BRPF3: variants seen among roughly 807,000 people sequenced by gnomAD.
The protein encoded by BRPF3 is bromodomain and PHD finger-containing protein 3.
In BRPF3, 18 loss-of-function variants were observed where a neutral mutation model predicts 102.0. That is an observed-to-expected ratio of 0.18 (90% confidence interval 0.12 to 0.26). The LOEUF is 0.26. BRPF3 is among the 10% of genes least tolerant of loss of function. BRPF3 has a pLI of 1.00. For missense variants in BRPF3, 1,147 were observed against 1,567.8 expected (o/e 0.73, Z 4.53); for synonymous variants, 570 against 614.2 (o/e 0.93, Z 1.06).
chr6:36,214,384 C>T lies in BRPF3; in HGVS notation c.2987C>T (p.Thr996Ile). The T allele has an allele frequency of 6.4e-7, 1 of 1,564,452 alleles. No individual in the cohort carries two copies. The highest frequency in any genetic ancestry group is 8.6e-7 in the Non-Finnish European group (1 of 1,157,308). The change falls in exon 8 of 13, where the codon ACA becomes ATA. Residue 996 changes from threonine to isoleucine, a missense_variant and splice_region_variant. Thr to Ile is a moderately conservative substitution (Grantham distance 89, BLOSUM62 -1). Around this residue, in one of 11 missense-constraint regions of BRPF3, gnomAD observed 379 missense variants for 426.3 expected, o/e 0.89. Coordinates refer to ENST00000357641, the MANE Select transcript of BRPF3 (RefSeq NM_015695.3). ...AGGTCCCCCCAGCAGGAGGAAGAGA[C>T]AGGTGACCCTGCCTGTGACTTCTCT... ...GERSPQQEEE[T>I]GMTNGFGKHT...
In BRPF3 at chr6:36,232,111, G is replaced by A. The variant is rs1228080889; in HGVS notation, c.*1502G>A. 2 of 152,610 alleles carry A rather than the reference G, an allele frequency of 1.3e-5. No homozygotes were observed. Among genetic ancestry groups the A allele is most frequent in the African/African-American group, 2.4e-5 (1 of 41,430 alleles). 9.5% of individuals were successfully genotyped at this position (152,610 alleles called of 1,614,324 possible). Reference sequence around the variant, plus strand: ...AACTTCTTATACATTTGGGACATGAGCCAGAGTTTAAAAGGGAACCAACAA... The same window carrying A: ...AACTTCTTATACATTTGGGACATGAACCAGAGTTTAAAAGGGAACCAACAA... On this transcript the variant is annotated 3_prime_UTR_variant, in exon 13 of 13. Coordinates refer to ENST00000357641, the MANE Select transcript of BRPF3 (RefSeq NM_015695.3).
Position 36,201,829 on chromosome 6 carries a change from G to T in BRPF3, c.1448+59G>T. On this transcript the variant is annotated intron_variant, in intron 2 of 12. Coordinates refer to ENST00000357641, the MANE Select transcript of BRPF3 (RefSeq NM_015695.3). This position sits in a 1 kb window ranked among gnomAD's most constrained non-coding sequence, Gnocchi z 5.1. Reference sequence around the variant, plus strand: ...ATGGTTTCTTCTTGGGTTGGTGTTGGCCCTGTGCCAGGCCTTCGCTAAACA... The same window carrying T: ...ATGGTTTCTTCTTGGGTTGGTGTTGTCCCTGTGCCAGGCCTTCGCTAAACA... 6.5e-7 allele frequency: 1 copy of T among 1,528,280 alleles called. No individual in the cohort carries two copies. Among genetic ancestry groups the T allele is most frequent in the Non-Finnish European group, 8.8e-7 (1 of 1,140,496 alleles). The allele number at this position is 1,528,280 out of a possible 1,614,324, so 94.7% of individuals were successfully genotyped here.
At chr6:36,208,721 G>C (rs1767991749) in intron 4 of BRPF3, among the ~76,000 whole-genome samples, 1 of 152,210 alleles carries the variant, frequency 6.6e-6, no homozygotes, top group African/African-American at 2.4e-5. Flanking sequence ...CTCTGGTTCA[G>C]AGAAATGAGA....
At chr6:36,214,999 C>A (rs1768275596) in intron 8 of BRPF3, among the ~76,000 whole-genome samples, 1 of 151,966 alleles carries the variant, frequency 6.6e-6, no homozygotes, top group Non-Finnish European at 1.5e-5. Flanking sequence ...TGGGAACATG[C>A]CTGCATGTCT....
In BRPF3 at chr6:36,210,600, G is replaced by T; in HGVS notation, c.2179+72G>T. 7.0e-6 allele frequency: 10 copies of T among 1,437,464 alleles called. No homozygotes were observed. Among genetic ancestry groups the T allele is most frequent in the Non-Finnish European group, 8.4e-6 (9 of 1,071,826 alleles). 89.0% of individuals were successfully genotyped at this position (1,437,464 alleles called of 1,614,324 possible). On this transcript the variant is annotated intron_variant, in intron 6 of 12. Coordinates refer to ENST00000357641, the MANE Select transcript of BRPF3 (RefSeq NM_015695.3). This position sits in a 1 kb window ranked among gnomAD's most constrained non-coding sequence, Gnocchi z 4.7. ...CAGGAACAGAGTCTACAGAGTGAGG[G>T]ATCAGGGTGGTCCTTGGGGCTATAG...
At chr6:36,222,354 C>T (rs1440916954) in intron 10 of BRPF3, 89 bp downstream of exon 10, 4 of 1,239,982 alleles carry the variant, frequency 3.2e-6, no homozygotes, top group Non-Finnish European at 3.4e-6. Context: ...GGCTCCGTAC[C>T]AGGCAGCCAG....
intron 2 of BRPF3, among the ~76,000 whole-genome samples, chr6:36,204,138 T>C (rs1003413746): frequency 2.0e-5 from 3 of 152,202 alleles, no homozygotes; most frequent in African/African-American, 7.2e-5. Context: ...ATTTTTAGGC[T>C]GTTGAGGTTT....
At chr6:36,217,838 G>A in intron 8 of BRPF3, 79 bp from the exon 9 acceptor site, 2 of 1,243,340 alleles carry the variant, frequency 1.6e-6, no homozygotes. Flanking sequence ...GAGCCCTCCT[G>A]AGGTGGCTGC....
chr6:36,225,501 C>T, intron 11 of BRPF3, 137 bp downstream of exon 11: 2 of 699,930 alleles, frequency 2.9e-6, no homozygotes, highest in East Asian at 5.6e-5. Flanking sequence ...TTGCCCCAGC[C>T]TGAGTGGGTC....
intron 3 of BRPF3, 89 bp from the exon 4 acceptor site, chr6:36,207,222 CTT>C: frequency 6.5e-7 from 1 of 1,526,960 alleles, no homozygotes; most frequent in Non-Finnish European, 8.9e-7. Flanking sequence ...GGGGACAAGA[CTT>C]TTACCTGCTG....
intron 9 of BRPF3, among the ~76,000 whole-genome samples, chr6:36,219,798 C>A (rs1471653242): frequency 1.3e-5 from 2 of 152,188 alleles, no homozygotes; most frequent in Non-Finnish European, 2.9e-5. Context: ...ATTTATTAGA[C>A]CAGAATCATA....
chr6:36,212,692 G>T (rs997804611), intron 7 of BRPF3, among the ~76,000 whole-genome samples: 1 of 151,762 alleles, frequency 6.6e-6, no homozygotes, highest in Non-Finnish European at 1.5e-5. Flanking sequence ...GGTGGCTCAC[G>T]CCTGTAATCC....
chr6:36,207,040 C>T (rs1767929545), intron 3 of BRPF3, among the ~76,000 whole-genome samples: 1 of 152,122 alleles, frequency 6.6e-6, no homozygotes, highest in Non-Finnish European at 1.5e-5. Context: ...ACCCAGAGGG[C>T]CATAGCTGCT....
In BRPF3 at chr6:36,201,484, C is replaced by T. The variant is rs1767696131; in HGVS notation, c.1162C>T (p.Pro388Ser). 6.2e-7 allele frequency: 1 copy of T among 1,614,058 alleles called. No homozygotes were observed. Among genetic ancestry groups the T allele is most frequent in the African/African-American group, 1.3e-5 (1 of 74,924 alleles). ...GACTGCCTACTGTGAGGCCCACTCG[C>T]CACCAGGTGCGGCCACTGCTAGGAG... ...RKTAYCEAHS[P>S]PGAATARRKG... The change falls in exon 2 of 13, where the codon CCA (proline) becomes TCA (serine). Residue 388 changes from proline to serine, a missense_variant. Pro to Ser is a moderately conservative substitution (Grantham distance 74, BLOSUM62 -1). Around this residue, in one of 11 missense-constraint regions of BRPF3, gnomAD observed 157 missense variants for 163.6 expected, o/e 0.96. Coordinates refer to ENST00000357641, the MANE Select transcript of BRPF3 (RefSeq NM_015695.3). This position sits in a 1 kb window ranked among gnomAD's most constrained non-coding sequence, Gnocchi z 5.1.
Position 36,211,338 on chromosome 6 carries a change from C to T in BRPF3, c.2260C>T (p.Leu754=), listed in dbSNP as rs772413670. ...GAAGGAGCTGCTGGAGAAACTGGAC[C>T]TGGTGAGCGCCATGCGGTCCAGTGG... ...QLKELLEKLD[L]VSAMRSSGAR... is the part of the protein sequence containing the mutation. Residue 754 remains leucine (L), a synonymous_variant, in exon 7 of 13, where the codon CTG becomes TTG. Transcript: ENST00000357641. 11 of 1,614,148 alleles carry T rather than the reference C, an allele frequency of 6.8e-6. No individual in the cohort carries two copies. The East Asian group carries it at 2.4e-4, about 36-fold the overall frequency.
intron 6 of BRPF3, 104 bp from the exon 7 acceptor site, chr6:36,211,154 G>A: frequency 7.6e-7 from 1 of 1,313,570 alleles, no homozygotes; most frequent in South Asian, 1.4e-5. Flanking sequence ...TGCTGGCCCA[G>A]GCATTCCAAG....
In BRPF3 at chr6:36,222,153, C is replaced by T. The variant is rs369352993; in HGVS notation, c.3084-15C>T. The T allele has an allele frequency of 5.0e-5, 77 of 1,549,986 alleles. No individual in the cohort carries two copies. The highest frequency in any genetic ancestry group is 6.4e-5 in the Non-Finnish European group (73 of 1,146,902). On this transcript the variant is annotated splice_polypyrimidine_tract_variant and intron_variant, in intron 9 of 12. Transcript: ENST00000357641. The stretch of plus-strand genomic sequence containing the variant: ...AATTGCTCATTTCACCCCTCTCTCC[C>T]TGCTCTGTGTGCAGTGGTCTGACGC...
chr6:36,202,543 C>T (rs1767752008), intron 2 of BRPF3, among the ~76,000 whole-genome samples: 1 of 151,498 alleles, frequency 6.6e-6, no homozygotes, highest in East Asian at 1.9e-4. Context: ...GGAAGATTTC[C>T]TAGCAGAGAC....
At chr6:36,219,193 G>A (rs532602655) in intron 9 of BRPF3, among the ~76,000 whole-genome samples, 1 of 152,100 alleles carries the variant, frequency 6.6e-6, no homozygotes, top group Admixed American at 6.5e-5. Flanking sequence ...GGGCTGAGGG[G>A]GTCCCCAGCT....
Sources: gnomAD v4.1 joint callset for allele counts (sites outside exome capture counted in the v4.1 genomes callset) on GRCh38, gnomAD v4.1.1 for gene constraint, gnomAD v4.1.1 regional missense constraint, Gnocchi (gnomAD v3.1) non-coding constraint, MANE v1.5 for transcripts, NCBI Gene and HGNC (gene_info 2026-07-23, HGNC 2026-07-21) for gene names.